The following KCNH1 variants were observed in gnomAD, a reference collection of about 807,000 sequenced individuals.
The protein encoded by KCNH1 is voltage-gated delayed rectifier potassium channel KCNH1.
A neutral mutation model predicts 69.2 loss-of-function variants in KCNH1; 27 were observed. The ratio of observed to expected loss-of-function variants is 0.39; its 90% CI spans 0.29 to 0.54. The LOEUF (loss-of-function observed/expected upper bound fraction) is 0.54. Among genes scored for constraint, KCNH1 ranks in the 20% least tolerant of loss-of-function variants. The pLI is 0.68. For synonymous variants in KCNH1, 456 were observed against 487.7 expected (o/e 0.93, Z 0.86); for missense variants, 798 against 1,261.6 (o/e 0.63, Z 5.57).
chr1:210,952,517 C>G (rs771457938), intron 6 of KCNH1, among the ~76,000 whole-genome samples: 1 of 152,152 alleles, frequency 6.6e-6, no homozygotes, highest in African/African-American at 2.4e-5. Context: ...AGTACAGCAA[C>G]AGGAGAACAT....
chr1:210,694,460 T>C (rs992379846), intron 10 of KCNH1, among the ~76,000 whole-genome samples: 4 of 151,546 alleles, frequency 2.6e-5, no homozygotes, highest in African/African-American at 9.7e-5. Flanking sequence ...GTGGTGGGAG[T>C]AGGCAGTATT....
intron 10 of KCNH1, among the ~76,000 whole-genome samples, chr1:210,713,704 T>A (rs1169789250): frequency 5.9e-5 from 9 of 152,122 alleles, no homozygotes; most frequent in Admixed American, 2.0e-4. Flanking sequence ...TCAGCCCCAA[T>A]AAGTCCTTAC....
Position 210,797,678 on chromosome 1 carries a change from AAGGCCGGGTGCTCCTTGAAC to A in KCNH1, c.1725_1744del (p.Phe576ProfsTer5), listed in dbSNP as rs1376413845. 6.2e-7 allele frequency: 1 copy of A among 1,614,206 alleles called. No homozygotes were observed. The highest frequency in any genetic ancestry group is 8.5e-7 in the Non-Finnish European group (1 of 1,180,042). Reference sequence around the variant, plus strand: ...GAGGCAGCCATCACTGGCCAGCCGGAAGGCCGGGTGCTCCTTGAACACCTTGCGGTTCAGGTGCACGCAGA... The same window carrying A: ...GAGGCAGCCATCACTGGCCAGCCGGAACCTTGCGGTTCAGGTGCACGCAGA... On this transcript the variant is annotated frameshift_variant, in exon 9 of 11. Transcript: ENST00000271751. LOFTEE classifies it high-confidence loss of function.
At chr1:211,111,434 C>T (rs1691459858) in intron 1 of KCNH1, among the ~76,000 whole-genome samples, 1 of 148,446 alleles carries the variant, frequency 6.7e-6, no homozygotes. Flanking sequence ...CCACCCTTTG[C>T]CACCGTCTGG....
At chr1:210,758,213 G>C (rs1186994888) in intron 10 of KCNH1, among the ~76,000 whole-genome samples, 2 of 152,190 alleles carry the variant, frequency 1.3e-5, no homozygotes, top group African/African-American at 2.4e-5. Context: ...TGGAAGTGGA[G>C]GTCAAAGCAG....
intron 10 of KCNH1, among the ~76,000 whole-genome samples, chr1:210,759,211 C>G (rs1683462545): frequency 6.8e-6 from 1 of 146,096 alleles, no homozygotes; most frequent in Non-Finnish European, 1.5e-5. Flanking sequence ...AGTGCTGGCT[C>G]TCTCAGGTGA....
chr1:210,686,186 TA>T (rs1175999179), intron 10 of KCNH1, among the ~76,000 whole-genome samples: 1 of 152,156 alleles, frequency 6.6e-6, no homozygotes, highest in East Asian at 1.9e-4. Context: ...GAAACCCAAC[TA>T]AAGGCCTCAT....
chr1:210,691,481 G>A (rs773646304), intron 10 of KCNH1, among the ~76,000 whole-genome samples: 1 of 152,218 alleles, frequency 6.6e-6, no homozygotes, highest in African/African-American at 2.4e-5. Context: ...AGAGGACAAA[G>A]CTGTGGAGCC....
intron 7 of KCNH1, chr1:210,860,671 G>T: frequency 2.6e-6 from 2 of 776,610 alleles, no homozygotes; most frequent in South Asian, 1.4e-5. Context: ...TCTGATAAAT[G>T]CTGTGATACA....
chr1:210,725,174 C>T (rs1232800438), intron 10 of KCNH1, among the ~76,000 whole-genome samples: 1 of 152,166 alleles, frequency 6.6e-6, no homozygotes, highest in Non-Finnish European at 1.5e-5. Flanking sequence ...TGTGAAACTG[C>T]TGTTGATAAT....
intron 7 of KCNH1, among the ~76,000 whole-genome samples, chr1:210,856,877 C>CTATA (rs150446990): frequency 0.2 from 19,991 of 101,538 alleles, 2,619 homozygotes; most frequent in Non-Finnish European, 0.27. Context: ...ATATAACCCA[C>CTATA]TATATATATA....
intron 6 of KCNH1, among the ~76,000 whole-genome samples, chr1:210,970,470 GA>G (rs1688493171): frequency 6.6e-6 from 1 of 152,016 alleles, no homozygotes; most frequent in Non-Finnish European, 1.5e-5. Context: ...CCCCGCAAAG[GA>G]CATGATAAGA....
intron 7 of KCNH1, among the ~76,000 whole-genome samples, chr1:210,812,441 G>A (rs1388190890): frequency 1.3e-5 from 2 of 152,158 alleles, no homozygotes; most frequent in Non-Finnish European, 2.9e-5. Context: ...TTTTAAGCCA[G>A]ATAGTGCCTG....
chr1:210,718,290 G>GTATATAAATA (rs1558437856), intron 10 of KCNH1, among the ~76,000 whole-genome samples: 6 of 106,644 alleles, frequency 5.6e-5, no homozygotes, highest in African/African-American at 1.1e-4. Context: ...AAAAATATGT[G>GTATATAAATA]TATATAAATA....
intron 6 of KCNH1, among the ~76,000 whole-genome samples, chr1:211,005,443 T>C (rs905759146): frequency 6.6e-6 from 1 of 152,126 alleles, no homozygotes; most frequent in Non-Finnish European, 1.5e-5. Flanking sequence ...AATTGAGTCC[T>C]GAGAAAGATC....
At chr1:210,977,881 A>T (rs1376040725) in intron 6 of KCNH1, among the ~76,000 whole-genome samples, 1 of 152,174 alleles carries the variant, frequency 6.6e-6, no homozygotes, top group Non-Finnish European at 1.5e-5. Flanking sequence ...TAGCATACCT[A>T]TCACCTCAAA....
At chr1:210,882,173 C>T (rs1212310501) in intron 7 of KCNH1, among the ~76,000 whole-genome samples, 1 of 152,008 alleles carries the variant, frequency 6.6e-6, no homozygotes, top group African/African-American at 2.4e-5. Flanking sequence ...CTCAATTTTG[C>T]CATGAACCTA....
At chr1:210,957,087 G>A (rs1352004857) in intron 6 of KCNH1, among the ~76,000 whole-genome samples, 1 of 152,096 alleles carries the variant, frequency 6.6e-6, no homozygotes, top group African/African-American at 2.4e-5. Context: ...TGCTTTAGCT[G>A]TGTCCCGGAG....
chr1:210,779,222 G>A (rs1425765766), intron 9 of KCNH1, among the ~76,000 whole-genome samples: 1 of 152,156 alleles, frequency 6.6e-6, no homozygotes, highest in Non-Finnish European at 1.5e-5. Flanking sequence ...CATAACTTGA[G>A]TTGATTTTCA....
Sources: gnomAD v4.1 joint callset for allele counts (sites outside exome capture counted in the v4.1 genomes callset) on GRCh38, gnomAD v4.1.1 for gene constraint, MANE v1.5 for transcripts, NCBI Gene and HGNC (gene_info 2026-07-23, HGNC 2026-07-21) for gene names.